The following WWC2 variants were observed in gnomAD, a reference collection of about 807,000 sequenced individuals.
The protein encoded by WWC2 is protein WWC2.
Under a neutral mutation model 138.5 loss-of-function variants are expected in WWC2, and 101 were observed. The observed-to-expected ratio is 0.73, with a 90% CI of 0.62 to 0.86. The LOEUF (loss-of-function observed/expected upper bound fraction) is 0.86, where lower values mean the gene tolerates loss of function less well. Ranked by LOEUF, WWC2 falls within the 40% of genes least tolerant of loss-of-function variation. WWC2 has a pLI of 0.00. For missense variants in WWC2, 1,420 were observed against 1,419.4 expected (o/e 1.00, Z -0.01); for synonymous variants, 558 against 538.4 (o/e 1.04, Z -0.50).
intron 22 of WWC2, among the ~76,000 whole-genome samples, chr4:183,315,104 C>T (rs1408879352): frequency 1.3e-5 from 2 of 152,218 alleles, no homozygotes; most frequent in African/African-American, 4.8e-5. Flanking sequence ...TTTAAGCACT[C>T]TCCTCACCTG....
rs558463773 is a variant in WWC2, at chr4:183,197,713, G to A, written c.241+4005G>A. On this transcript the variant is annotated intron_variant, in intron 2 of 22. Transcript: ENST00000403733. The stretch of plus-strand genomic sequence containing the variant: ...ACAACCAGAAGTAAATCACTTTTTG[G>A]TAGAGTCAGAGTTGTACTGTAATTT... Among the ~76,000 whole-genome samples the A allele has an allele frequency of 2.9e-3, 439 of 152,212 alleles. 2 individuals are homozygous for A. Among genetic ancestry groups the A allele is most frequent in the Non-Finnish European group, 4.6e-3 (310 of 68,002 alleles).
At chr4:183,262,012 A>T (rs1737345975) in intron 11 of WWC2, among the ~76,000 whole-genome samples, 1 of 152,240 alleles carries the variant, frequency 6.6e-6, no homozygotes, top group African/African-American at 2.4e-5. Flanking sequence ...TTTTCTGGCG[A>T]AAAGTTAATT....
chr4:183,319,598 A>T lies in WWC2; in HGVS notation c.*3869A>T. The T allele has an allele frequency of 6.2e-7, 1 of 1,613,616 alleles. No individual in the cohort carries two copies. The highest frequency in any genetic ancestry group is 1.7e-5 in the Admixed American group (1 of 59,942). On this transcript the variant is annotated 3_prime_UTR_variant, in exon 23 of 23. Coordinates refer to ENST00000403733, the MANE Select transcript of WWC2 (RefSeq NM_024949.6). ...TGTTTCTCGTCTCCAGTTCTTGATG[A>T]TGATCTTGTGTTTGTGCCACTGCGT...
At chr4:183,121,886 CA>C (rs1416998880) in intron 1 of WWC2, among the ~76,000 whole-genome samples, 1 of 151,244 alleles carries the variant, frequency 6.6e-6, no homozygotes, top group Non-Finnish European at 1.5e-5. Context: ...CCTGGGTGCA[CA>C]CCATTCTCCT....
chr4:183,296,537 G>A lies in WWC2; in HGVS notation c.3384+6902G>A, dbSNP rs540807066. 3.9e-5 allele frequency among the ~76,000 whole-genome samples: 6 copies of A among 152,236 alleles called. No homozygotes were observed. In the East Asian group the frequency reaches 9.6e-4, roughly 24 times the overall value. The stretch of plus-strand genomic sequence containing the variant: ...ATAGTGCTTTATTTTATATTAATTT[G>A]TAGTTGTTCAGTCACTAAATGATAC... On this transcript the variant is annotated intron_variant, in intron 21 of 22. Coordinates refer to ENST00000403733, the MANE Select transcript of WWC2 (RefSeq NM_024949.6).
At chr4:183,107,824 A>G (rs1368343300) in intron 1 of WWC2, among the ~76,000 whole-genome samples, 3 of 151,852 alleles carry the variant, frequency 2.0e-5, no homozygotes, top group Non-Finnish European at 2.9e-5. Flanking sequence ...AAGATGGATA[A>G]GATTTGGTCC....
chr4:183,102,806 C>A (rs546600623), intron 1 of WWC2, among the ~76,000 whole-genome samples: 154 of 151,856 alleles, frequency 1.0e-3, no homozygotes, highest in Non-Finnish European at 5.1e-4. Context: ...CACCATGGAC[C>A]CTTTTGAACA....
intron 1 of WWC2, among the ~76,000 whole-genome samples, chr4:183,178,578 C>CT (rs972235964): frequency 6.9e-6 from 1 of 144,148 alleles, no homozygotes. Flanking sequence ...TGCCCAGTCT[C>CT]TTTAAAAAAA....
chr4:183,310,923 T>C (rs928833144), intron 21 of WWC2, among the ~76,000 whole-genome samples: 3 of 150,990 alleles, frequency 2.0e-5, no homozygotes, highest in African/African-American at 7.3e-5. Flanking sequence ...GTACTTTACA[T>C]ATATATGTAC....
At chr4:183,205,968 C>G (rs1735435604) in intron 2 of WWC2, among the ~76,000 whole-genome samples, 1 of 152,192 alleles carries the variant, frequency 6.6e-6, no homozygotes, top group South Asian at 2.1e-4. Flanking sequence ...TCTGGAACTT[C>G]TCCAGTCTCT....
chr4:183,099,614 C>G lies in WWC2; in HGVS notation c.123C>G (p.Pro41=). 7.3e-7 allele frequency: 1 copy of G among 1,361,688 alleles called. No homozygotes were observed. Among genetic ancestry groups the G allele is most frequent in the Non-Finnish European group, 9.6e-7 (1 of 1,039,096 alleles). The allele number at this position is 1,361,688 out of a possible 1,614,324, so 84.4% of individuals were successfully genotyped here. The change falls in exon 1 of 23, where the codon CCC becomes CCG. Residue 41 remains proline (P), a synonymous_variant. Transcript: ENST00000403733. ...CCAGGAGGACCAGCTGGATCGACCC[C>G]CGGGACAGGTGGGCGCCGGCCGCGG... ...HNTRRTSWID[P]RDRLTKPLSF...
chr4:183,107,267 T>G (rs1743397211), intron 1 of WWC2, among the ~76,000 whole-genome samples: 1 of 152,082 alleles, frequency 6.6e-6, no homozygotes, highest in African/African-American at 2.4e-5. Context: ...GTTCAACAGA[T>G]CCTCCCACCT....
chr4:183,284,926 A>T (rs142141722), intron 19 of WWC2, among the ~76,000 whole-genome samples: 1 of 152,234 alleles, frequency 6.6e-6, no homozygotes, highest in South Asian at 2.1e-4. Context: ...TGATTTATCT[A>T]GTAAGATAGA....
At chr4:183,311,578 GTTTTTTTTTT>G (rs33921495) in intron 21 of WWC2, among the ~76,000 whole-genome samples, 5 of 115,308 alleles carry the variant, frequency 4.3e-5, no homozygotes, top group African/African-American at 1.6e-4. Context: ...ATGTGTGCAG[GTTTTTTTTTT>G]TTTTTTTTTG....
At position 183,284,269 on chromosome 4, in the gene WWC2, T is replaced by C. The variant is rs1415553628; in HGVS notation, c.2927T>C (p.Met976Thr). 13 of 1,613,908 alleles carry C rather than the reference T, an allele frequency of 8.1e-6. No individual in the cohort carries two copies. The highest frequency in any genetic ancestry group is 1.3e-5 in the African/African-American group (1 of 74,938). ...ACTGATGAAGCCGCTAATGACAATATGGCAGTTCGCCCCAAAGAGCGCAGC... is the reference window on the plus strand; with the variant it reads ...ACTGATGAAGCCGCTAATGACAATACGGCAGTTCGCCCCAAAGAGCGCAGC... ...TNTDEAANDN[M>T]AVRPKERSSL... Residue 976 changes from methionine (M) to threonine (T), a missense_variant, in exon 19 of 23, where the codon ATG (methionine) becomes ACG (threonine). Met to Thr is a moderately conservative substitution (Grantham distance 81). Coordinates refer to ENST00000403733, the MANE Select transcript of WWC2 (RefSeq NM_024949.6).
At chr4:183,154,253 A>G (rs1223551347) in intron 1 of WWC2, among the ~76,000 whole-genome samples, 2 of 152,170 alleles carry the variant, frequency 1.3e-5, no homozygotes, top group Non-Finnish European at 2.9e-5. Context: ...GTGTGATTTC[A>G]GGCAAGTTAC....
intron 21 of WWC2, among the ~76,000 whole-genome samples, chr4:183,297,122 A>ACAC (rs144761434): frequency 0.048 from 7,222 of 151,822 alleles, 224 homozygotes; most frequent in South Asian, 0.083. Context: ...CCACAGGCAG[A>ACAC]CACCACCACA....
intron 1 of WWC2, among the ~76,000 whole-genome samples, chr4:183,121,489 T>TATTTTGG (rs1171711299): frequency 6.6e-6 from 1 of 152,058 alleles, no homozygotes. Context: ...GATTTTGGAG[T>TATTTTGG]ATTTTGGATT....
At chr4:183,262,211 GA>G (rs2111360146) in intron 11 of WWC2, among the ~76,000 whole-genome samples, 1 of 152,310 alleles carries the variant, frequency 6.6e-6, no homozygotes, top group South Asian at 2.1e-4. Flanking sequence ...CAGGAACTTT[GA>G]ATATGTTAGA....
Sources: gnomAD v4.1 joint callset for allele counts (sites outside exome capture counted in the v4.1 genomes callset) on GRCh38, gnomAD v4.1.1 for gene constraint, MANE v1.5 for transcripts, NCBI Gene and HGNC (gene_info 2026-07-23, HGNC 2026-07-21) for gene names.